COLEC10: variants seen among roughly 807,000 people sequenced by gnomAD.
The protein encoded by COLEC10 is collectin subfamily member 10.
Under a neutral mutation model 28.4 loss-of-function variants are expected in COLEC10, and 22 were observed. The ratio of observed to expected loss-of-function variants is 0.78; its 90% CI spans 0.55 to 1.11. The LOEUF is 1.11. Among genes scored for constraint, COLEC10 ranks in the 50% least tolerant of loss-of-function variants. The probability of loss-of-function intolerance (pLI) is 0.00; values close to 1 mark genes in which losing one functional copy is unlikely to be tolerated. For synonymous variants in COLEC10, 125 were observed against 116.1 expected (o/e 1.08, Z -0.49); for missense variants, 361 against 344.1 (o/e 1.05, Z -0.39).
rs564766179 is a variant in COLEC10, at chr8:119,030,501, T to C, written n.235+20948T>C. On this transcript the variant is annotated intron_variant and non_coding_transcript_variant, in intron 2 of 6. Transcript: ENST00000521788. ...CAATATGGTGAAACCCCGTCTCTACTAAAAGTGTGTTAGTACTTTGCAGTG... is the reference window on the plus strand; with the variant it reads ...CAATATGGTGAAACCCCGTCTCTACCAAAAGTGTGTTAGTACTTTGCAGTG... 1.6e-4 allele frequency among the ~76,000 whole-genome samples: 24 copies of C among 152,230 alleles called. 1 individual carries two copies. In the South Asian group the frequency reaches 4.8e-3, roughly 30 times the overall value.
chr8:119,067,173 A>C (rs1814981640), upstream of COLEC10: 2 of 1,143,584 alleles, frequency 1.7e-6, no homozygotes, highest in Admixed American at 4.4e-5. Context: ...CCCTTTTTGG[A>C]ATGTGTGTTC....
chr8:118,995,833 T>C (rs556285788), intron 1 of COLEC10, among the ~76,000 whole-genome samples: 1 of 151,710 alleles, frequency 6.6e-6, no homozygotes, highest in Admixed American at 6.6e-5. Flanking sequence ...ATTTTAATGA[T>C]CAAACTTGGA....
the COLEC10 span, among the ~76,000 whole-genome samples, chr8:118,959,330 G>C: frequency 1.3e-5 from 2 of 152,190 alleles, no homozygotes; most frequent in African/African-American, 2.4e-5. Flanking sequence ...GAAAACAATA[G>C]AGCACAGTGA....
rs1440094352 is a variant in COLEC10, at chr8:119,105,883, T to C, written c.526T>C (p.Cys176Arg). The C allele has an allele frequency of 2.5e-6, 4 of 1,613,680 alleles. No individual in the cohort carries two copies. Among genetic ancestry groups the C allele is most frequent in the Non-Finnish European group, 3.4e-6 (4 of 1,179,850 alleles). ...EKNYRESLTHCRIRGGMLAMP... is the reference protein window; with the variant it reads ...EKNYRESLTHRRIRGGMLAMP... The stretch of plus-strand genomic sequence containing the variant: ...GAACTACAGGGAATCCCTAACCCAC[T>C]GCAGGATTCGGGGTGGAATGCTAGC... The change falls in exon 6 of 6, where the codon TGC becomes CGC. Residue 176 changes from cysteine (C) to arginine (R), a missense_variant. Cys to Arg is a radical substitution (Grantham distance 180, BLOSUM62 -3). Transcript: ENST00000332843.
intron 3 of COLEC10, among the ~76,000 whole-genome samples, chr8:119,095,698 T>C (rs996135288): frequency 2.0e-5 from 3 of 152,010 alleles, no homozygotes; most frequent in African/African-American, 7.3e-5. Flanking sequence ...TGAGATTCTA[T>C]CTCAAAACAA....
At chr8:118,954,256 T>G in the COLEC10 span, among the ~76,000 whole-genome samples, 1 of 152,254 alleles carries the variant, frequency 6.6e-6, no homozygotes, top group African/African-American at 2.4e-5. Flanking sequence ...GACTGTGTAT[T>G]GATTGTGCAT....
chr8:119,089,807 T>G, intron 2 of COLEC10, 56 bp downstream of exon 2: 8 of 1,428,604 alleles, frequency 5.6e-6, no homozygotes, highest in Non-Finnish European at 7.9e-6. Context: ...CTTCTATCTC[T>G]CCTGGCCCTT....
At chr8:118,978,626 C>T in the COLEC10 span, among the ~76,000 whole-genome samples, 1 of 151,782 alleles carries the variant, frequency 6.6e-6, no homozygotes, top group African/African-American at 2.4e-5. Context: ...ATTTATTGAA[C>T]ATAAATCACC....
upstream of COLEC10, among the ~76,000 whole-genome samples, chr8:118,990,902 G>T (rs1469260062): frequency 6.6e-6 from 1 of 151,176 alleles, no homozygotes; most frequent in Non-Finnish European, 1.5e-5. Flanking sequence ...GAAGGAGCAG[G>T]AATATAAAAA....
chr8:118,968,635 TACAC>T, the COLEC10 span, among the ~76,000 whole-genome samples: 2 of 152,028 alleles, frequency 1.3e-5, no homozygotes, highest in South Asian at 2.1e-4. Context: ...ATATATAATA[TACAC>T]ACACACATTA....
At chr8:119,091,374 C>A (rs1007255652) in intron 3 of COLEC10, among the ~76,000 whole-genome samples, 154 bp downstream of exon 3, 4 of 111,692 alleles carry the variant, frequency 3.6e-5, no homozygotes, top group Non-Finnish European at 7.1e-5. Context: ...ACAGCAAGAC[C>A]CAATCTCTAC....
At chr8:118,952,295 T>C in the COLEC10 span, 1 of 168,406 alleles carries the variant, frequency 5.9e-6, no homozygotes, top group Non-Finnish European at 1.3e-5. Flanking sequence ...TTGTGTCTCC[T>C]CCACCCTGAG....
At chr8:118,983,950 G>T in the COLEC10 span, among the ~76,000 whole-genome samples, 2 of 151,944 alleles carry the variant, frequency 1.3e-5, no homozygotes, top group Admixed American at 6.6e-5. Flanking sequence ...CCTTAAAACA[G>T]AATTACCATT....
At chr8:119,103,554 T>C (rs1815881341) in intron 4 of COLEC10, among the ~76,000 whole-genome samples, 1 of 152,216 alleles carries the variant, frequency 6.6e-6, no homozygotes. Flanking sequence ...TATATTCTTC[T>C]TTTTAATAAT....
At chr8:119,091,501 A>T (rs146346446) in intron 3 of COLEC10, among the ~76,000 whole-genome samples, 372 of 151,660 alleles carry the variant, frequency 2.5e-3, no homozygotes, top group Non-Finnish European at 3.6e-3. Flanking sequence ...TCTGCAGTGA[A>T]CCATGATCAC....
At chr8:119,058,088 CAATCTT>C (rs1814793979) in intron 2 of COLEC10, among the ~76,000 whole-genome samples, 1 of 151,994 alleles carries the variant, frequency 6.6e-6, no homozygotes, top group Non-Finnish European at 1.5e-5. Context: ...GAGCTAGAAA[CAATCTT>C]AAGATTACTA....
At chr8:119,104,405 T>G (rs546880536) in intron 5 of COLEC10, among the ~76,000 whole-genome samples, 1 of 152,224 alleles carries the variant, frequency 6.6e-6, no homozygotes, top group African/African-American at 2.4e-5. Context: ...AGAGCAGGAA[T>G]GTAGTACAAG....
At chr8:118,969,603 G>A in the COLEC10 span, among the ~76,000 whole-genome samples, 1 of 151,776 alleles carries the variant, frequency 6.6e-6, no homozygotes, top group Non-Finnish European at 1.5e-5. Context: ...GTTTGGAGCT[G>A]GTGAATTCTA....
intron 1 of COLEC10, among the ~76,000 whole-genome samples, chr8:119,085,356 T>G (rs1335588264): frequency 6.6e-6 from 1 of 152,116 alleles, no homozygotes; most frequent in African/African-American, 2.4e-5. Context: ...GTAAAAGTAC[T>G]AGGGAGTGGT....
Sources: allele counts gnomAD v4.1 joint callset (sites outside exome capture counted in the v4.1 genomes callset), GRCh38; gene constraint gnomAD v4.1.1; transcripts MANE v1.5; gene names NCBI Gene and HGNC (gene_info 2026-07-23, HGNC 2026-07-21).